DCAF8L2: variants seen among roughly 807,000 people sequenced by gnomAD.
The protein encoded by DCAF8L2 is DDB1- and CUL4-associated factor 8-like protein 2.
For missense variants in DCAF8L2, 430 were observed against 490.7 expected, an observed-to-expected ratio of 0.88 and a Z score of 1.17; for synonymous variants, 200 against 190.9, an observed-to-expected ratio of 1.05 and a Z score of -0.39.
intron 2 of DCAF8L2, among the ~76,000 whole-genome samples, chrX:27,637,807 A>C (rs755403267): frequency 8.9e-6 from 1 of 112,337 alleles, no homozygotes; most frequent in East Asian, 2.8e-4. Context: ...GCCAACCTGC[A>C]AAGAGGAAGT....
chrX:27,497,509 TTTCCTTCC>T, the DCAF8L2 span, among the ~76,000 whole-genome samples: 957 of 46,497 alleles, frequency 0.021, 38 homozygotes, highest in African/African-American at 0.061. Flanking sequence ...TCTTTCTTTC[TTTCCTTCC>T]TTCCTTCCTT....
At chrX:27,605,323 T>A (rs1000979264) in intron 1 of DCAF8L2, among the ~76,000 whole-genome samples, 6 of 112,044 alleles carry the variant, frequency 5.4e-5, no homozygotes, top group African/African-American at 1.9e-4. Flanking sequence ...ATGTTTGGGC[T>A]TAAATGAAAA....
intron 1 of DCAF8L2, among the ~76,000 whole-genome samples, chrX:27,600,093 A>G (rs1926570741): frequency 8.9e-6 from 1 of 112,117 alleles, no homozygotes; most frequent in Admixed American, 9.5e-5. Flanking sequence ...AAGGTGGCAC[A>G]AGAGAAACTT....
the DCAF8L2 span, among the ~76,000 whole-genome samples, chrX:27,563,232 A>G: frequency 7.2e-5 from 8 of 111,511 alleles, no homozygotes; most frequent in Non-Finnish European, 1.5e-4. Flanking sequence ...AAAAAAAAAT[A>G]TATTTATCCA....
the DCAF8L2 span, among the ~76,000 whole-genome samples, chrX:27,552,175 T>C: frequency 0.43 from 47,495 of 110,167 alleles, 8,705 homozygotes; most frequent in South Asian, 0.68. Flanking sequence ...CTGAGTTGAA[T>C]TCCCAATATA....
At chrX:27,488,717 C>T in the DCAF8L2 span, among the ~76,000 whole-genome samples, 1 of 111,370 alleles carries the variant, frequency 9.0e-6, no homozygotes, top group South Asian at 3.8e-4. Flanking sequence ...AGTGCAGTGG[C>T]ATGATTACAG....
intron 4 of DCAF8L2, among the ~76,000 whole-genome samples, chrX:27,730,794 G>A (rs944037781): frequency 1.9e-4 from 21 of 110,352 alleles, no homozygotes; most frequent in Middle Eastern, 4.7e-3. Context: ...ATCACAACAT[G>A]GCACTCATAT....
At chrX:27,661,445 A>G (rs912440450) in intron 2 of DCAF8L2, among the ~76,000 whole-genome samples, 1 of 111,021 alleles carries the variant, frequency 9.0e-6, no homozygotes, top group Non-Finnish European at 1.9e-5. Flanking sequence ...TGTAGAGGAG[A>G]TGAGTGTTGG....
chrX:27,621,982 A>C lies in DCAF8L2; in HGVS notation c.-341-9897A>C, dbSNP rs764878526. ...AATCCAGCCTGGGTGATAGAGTAAG[A>C]CCTTATCTCAACAACAACAACAACA... is the stretch of plus-strand genomic sequence containing the variant. On this transcript the variant is annotated intron_variant, in intron 1 of 4. Transcript: ENST00000451261. 3.7e-5 allele frequency among the ~76,000 whole-genome samples: 4 copies of C among 109,561 alleles called. No homozygotes were observed. The Admixed American group carries it at 3.9e-4, about 11-fold the overall frequency.
At chrX:27,520,076 C>A in the DCAF8L2 span, among the ~76,000 whole-genome samples, 1 of 111,624 alleles carries the variant, frequency 9.0e-6, no homozygotes, top group African/African-American at 3.2e-5. Flanking sequence ...TTGGAAAATT[C>A]TATCAATACA....
chrX:27,481,468 T>C, the DCAF8L2 span, among the ~76,000 whole-genome samples: 4 of 111,677 alleles, frequency 3.6e-5, no homozygotes, highest in African/African-American at 1.3e-4. Context: ...TTGAGCAATG[T>C]TCAGATGTGT....
At position 27,700,479 on chromosome X, in the gene DCAF8L2, C is replaced by G. The variant is rs1291465451; in HGVS notation, c.-142-15609C>G. On this transcript the variant is annotated intron_variant, in intron 3 of 4. Transcript: ENST00000451261. ...TTTTTTTTCTCTTTGCTTTATTTACCATTGGGGAAAACCATTGACTTATAG... is the reference window on the plus strand; with the variant it reads ...TTTTTTTTCTCTTTGCTTTATTTACGATTGGGGAAAACCATTGACTTATAG... 3.6e-5 allele frequency among the ~76,000 whole-genome samples: 4 copies of G among 110,366 alleles called. No homozygotes were observed. In the Admixed American group the frequency reaches 3.9e-4, roughly 11 times the overall value.
the DCAF8L2 span, among the ~76,000 whole-genome samples, chrX:27,510,432 C>T: frequency 3.7e-5 from 4 of 107,755 alleles, no homozygotes; most frequent in Non-Finnish European, 7.7e-5. Context: ...TGAAAACTTC[C>T]CAGACTCACA....
At chrX:27,641,110 T>C (rs1434221871) in intron 2 of DCAF8L2, among the ~76,000 whole-genome samples, 1 of 112,096 alleles carries the variant, frequency 8.9e-6, no homozygotes, top group African/African-American at 3.2e-5. Context: ...TTTGATTATC[T>C]TTTAAAGTAC....
chrX:27,735,709 T>A (rs111405743), intron 4 of DCAF8L2, among the ~76,000 whole-genome samples: 65 of 111,597 alleles, frequency 5.8e-4, no homozygotes, highest in African/African-American at 1.8e-3. Flanking sequence ...TTCACACAGT[T>A]GTAGGAAGAA....
chrX:27,600,072 G>T lies in DCAF8L2; in HGVS notation c.-342+9632G>T, dbSNP rs1161607143. 2.7e-5 allele frequency among the ~76,000 whole-genome samples: 3 copies of T among 111,971 alleles called. No homozygotes were observed. The Admixed American group carries it at 2.9e-4, about 11-fold the overall frequency. On this transcript the variant is annotated intron_variant, in intron 1 of 4. Coordinates refer to ENST00000451261, the MANE Select transcript of DCAF8L2 (RefSeq NM_001353450.2). The stretch of plus-strand genomic sequence containing the variant: ...GTGGTTATTTTTATAAGGAAGGATG[G>T]TTGTAACCAGAAGGTGGCACAAGAG...
chrX:27,488,673 T>C, the DCAF8L2 span, among the ~76,000 whole-genome samples: 2 of 110,448 alleles, frequency 1.8e-5, no homozygotes, highest in Non-Finnish European at 3.8e-5. Context: ...GTTTTGTTTT[T>C]GAATACAGGG....
At chrX:27,489,903 G>T in the DCAF8L2 span, among the ~76,000 whole-genome samples, 1 of 110,805 alleles carries the variant, frequency 9.0e-6, no homozygotes, top group Admixed American at 9.6e-5. Flanking sequence ...TTTGAAACAG[G>T]GTCTCCCTCT....
At chrX:27,500,631 A>G in the DCAF8L2 span, among the ~76,000 whole-genome samples, 1 of 111,905 alleles carries the variant, frequency 8.9e-6, no homozygotes, top group Non-Finnish European at 1.9e-5. Context: ...TTTGGGCTAA[A>G]ACGTTTATTA....
Sources: gnomAD v4.1 joint callset for allele counts (sites outside exome capture counted in the v4.1 genomes callset) on GRCh38, gnomAD v4.1.1 for gene constraint, MANE v1.5 for transcripts, NCBI Gene and HGNC (gene_info 2026-07-23, HGNC 2026-07-21) for gene names.